Variants in NGEF observed in about 807,000 individuals in gnomAD.
NGEF encodes ephexin-1.
Under a neutral mutation model 80.9 loss-of-function variants are expected in NGEF, and 31 were observed. The observed-to-expected ratio is 0.38, with a 90% confidence interval of 0.29 to 0.52. The LOEUF is 0.52. NGEF is among the 20% of genes least tolerant of loss of function. The probability of loss-of-function intolerance (pLI) is 0.84; values close to 1 mark genes in which losing one functional copy is unlikely to be tolerated. For missense variants in NGEF, 709 were observed against 926.2 expected, an observed-to-expected ratio of 0.77 and a Z score of 3.04; for synonymous variants, 371 against 370.2, an observed-to-expected ratio of 1.00 and a Z score of -0.03.
At chr2:232,992,025 G>A (rs1694660610) in intron 1 of NGEF, among the ~76,000 whole-genome samples, 1 of 152,118 alleles carries the variant, frequency 6.6e-6, no homozygotes, top group East Asian at 1.9e-4. Flanking sequence ...GGTAGACACA[G>A]GCCAAAGAAT....
In NGEF at chr2:232,879,469, G is replaced by A. The variant is rs1485553530; in HGVS notation, c.*20C>T. On this transcript the variant is annotated 3_prime_UTR_variant, in exon 15 of 15. Coordinates refer to ENST00000264051, the MANE Select transcript of NGEF (RefSeq NM_019850.3). ...GGGGTCTCATGCAGGCCCTGCTCCC[G>A]CTGGCCCCCTGGGTGGGGGTCATTG... 6.5e-6 allele frequency: 9 copies of A among 1,377,474 alleles called. No homozygotes were observed. The highest frequency in any genetic ancestry group is 5.3e-5 in the Admixed American group (3 of 56,330). 85.3% of individuals were successfully genotyped at this position (1,377,474 alleles called of 1,614,324 possible). A position where few individuals can be genotyped will look rare whatever the true frequency, so the allele number is the denominator to read the frequency against.
intron 10 of NGEF, chr2:232,885,031 G>T (rs1691629649): frequency 3.8e-6 from 2 of 521,870 alleles, no homozygotes; most frequent in South Asian, 4.3e-5. Flanking sequence ...CCCTGCGTGG[G>T]TCTGGGCCGC....
chr2:232,882,563 C>G (rs193292697), intron 12 of NGEF, among the ~76,000 whole-genome samples: 2 of 152,242 alleles, frequency 1.3e-5, no homozygotes, highest in Non-Finnish European at 2.9e-5. Context: ...CCAAGTAACG[C>G]GTAAGAGCAC....
At chr2:232,996,465 CAT>C (rs1201008681) in intron 1 of NGEF, among the ~76,000 whole-genome samples, 2 of 152,216 alleles carry the variant, frequency 1.3e-5, no homozygotes, top group Non-Finnish European at 2.9e-5. Context: ...GTGATTCTCA[CAT>C]GTTTAAGAGC....
At chr2:232,886,017 C>T (rs905144078) in intron 9 of NGEF, among the ~76,000 whole-genome samples, 2 of 152,190 alleles carry the variant, frequency 1.3e-5, no homozygotes, top group African/African-American at 4.8e-5. Context: ...GCAGGGACTC[C>T]ACCTGCACTC....
chr2:233,005,131 C>A (rs763474964), intron 1 of NGEF, among the ~76,000 whole-genome samples: 64 of 152,190 alleles, frequency 4.2e-4, no homozygotes, highest in African/African-American at 1.4e-3. Context: ...TGCGGGCAAC[C>A]ATTAGCATGG....
At chr2:233,002,164 C>T (rs944150965) in intron 1 of NGEF, among the ~76,000 whole-genome samples, 24 of 152,062 alleles carry the variant, frequency 1.6e-4, no homozygotes, top group Admixed American at 9.8e-4. Context: ...GGAGTTGAAC[C>T]GGTAACTGTG....
chr2:232,962,040 G>A (rs1351750205), intron 3 of NGEF, among the ~76,000 whole-genome samples: 1 of 152,208 alleles, frequency 6.6e-6, no homozygotes, highest in Non-Finnish European at 1.5e-5. Context: ...TCTACCTGGA[G>A]TCTCCAGGAT....
At position 232,891,273 on chromosome 2, in the gene NGEF, C is replaced by A. The variant is rs1026715846; in HGVS notation, c.1272+85G>T. 4 of 1,538,966 alleles carry A rather than the reference C, an allele frequency of 2.6e-6. No homozygotes were observed. The African/African-American group carries it at 4.1e-5, about 16-fold the overall frequency. ...GCTTAGTATCTGTTGAACCAGTAGA[C>A]CTCCTAGAAAGCTGACAGGGCCCGG... On this transcript the variant is annotated intron_variant, in intron 8 of 14. Transcript: ENST00000264051.
intron 3 of NGEF, among the ~76,000 whole-genome samples, chr2:232,961,310 C>T (rs578217859): frequency 1.4e-3 from 219 of 152,220 alleles, no homozygotes; most frequent in African/African-American, 5.0e-3. Context: ...GAGACTCAGA[C>T]TCTAACTACA....
chr2:232,889,488 AT>A (rs1282504245), intron 8 of NGEF, among the ~76,000 whole-genome samples: 4 of 151,798 alleles, frequency 2.6e-5, no homozygotes, highest in Non-Finnish European at 4.4e-5. Context: ...CTGCATTTCC[AT>A]TGCTTTTAAT....
chr2:232,936,606 A>C (rs534192173), intron 3 of NGEF, among the ~76,000 whole-genome samples: 1 of 152,314 alleles, frequency 6.6e-6, no homozygotes, highest in African/African-American at 2.4e-5. Flanking sequence ...ACACCAAGGC[A>C]CAGGTGGGCA....
In NGEF at chr2:232,995,316, GTATA is replaced by G; in HGVS notation, c.-75+17748_-75+17751del. On this transcript the variant is annotated intron_variant, in intron 1 of 14. Coordinates refer to ENST00000264051, the MANE Select transcript of NGEF (RefSeq NM_019850.3). ...TGTATATGTGTACAGTATGTATACT[GTATA>G]TGTGTACAGTATGTATACTATATAC... Among the ~76,000 whole-genome samples the G allele has an allele frequency of 7.4e-5, 4 of 54,348 alleles. 2 individuals are homozygous for G. In the South Asian group the frequency reaches 4.9e-3, roughly 67 times the overall value. The allele number at this position is 54,348 out of a possible 152,430, so 35.7% of individuals were successfully genotyped here. A position where few individuals can be genotyped will look rare whatever the true frequency, so the allele number is the denominator to read the frequency against.
At chr2:232,952,705 C>T (rs193256445) in intron 3 of NGEF, among the ~76,000 whole-genome samples, 6 of 152,198 alleles carry the variant, frequency 3.9e-5, no homozygotes, top group Admixed American at 6.5e-5. Context: ...CAGTGACTCA[C>T]GCCTGTAATC....
At chr2:232,988,036 C>CGTGTGTGTGTGTGT (rs57143286) in intron 1 of NGEF, among the ~76,000 whole-genome samples, 9 of 140,358 alleles carry the variant, frequency 6.4e-5, no homozygotes, top group Admixed American at 2.2e-4. Context: ...GGGATGGTCT[C>CGTGTGTGTGTGTGT]GTGTGTGTGT....
chr2:232,879,488 G>A lies in NGEF; in HGVS notation c.*1C>T. On this transcript the variant is annotated 3_prime_UTR_variant, in exon 15 of 15. Transcript: ENST00000264051. ...GCTCCCGCTGGCCCCCTGGGTGGGG[G>A]TCATTGCCGATTCCGGCTGCCCAGC... 6.2e-7 allele frequency: 1 copy of A among 1,606,584 alleles called. No homozygotes were observed. The highest frequency in any genetic ancestry group is 8.5e-7 in the Non-Finnish European group (1 of 1,174,162).
At chr2:232,970,103 A>T in intron 3 of NGEF, 111 bp downstream of exon 3, 1 of 489,670 alleles carries the variant, frequency 2.0e-6, no homozygotes. Context: ...ACCAAAAGTT[A>T]TTATTATTTT....
At chr2:232,973,587 T>C (rs1020865644) in intron 2 of NGEF, among the ~76,000 whole-genome samples, 3 of 152,190 alleles carry the variant, frequency 2.0e-5, no homozygotes, top group African/African-American at 7.2e-5. Flanking sequence ...GACTGCCATA[T>C]GCATAAGCCT....
chr2:232,993,277 G>A (rs1694712342), intron 1 of NGEF, among the ~76,000 whole-genome samples: 1 of 119,682 alleles, frequency 8.4e-6, no homozygotes, highest in Non-Finnish European at 1.7e-5. Context: ...GAATTGGCAT[G>A]TCTCCAAAAG....
Sources: allele counts gnomAD v4.1 joint callset (sites outside exome capture counted in the v4.1 genomes callset), GRCh38; gene constraint gnomAD v4.1.1; transcripts MANE v1.5; gene names NCBI Gene and HGNC (gene_info 2026-07-23, HGNC 2026-07-21).